The following FBXL2 variants were observed in gnomAD, a reference collection of about 807,000 sequenced individuals.
The protein encoded by FBXL2 is F-box and leucine rich repeat protein 2.
FBXL2 carries 38 observed loss-of-function variants against 69.2 expected under a neutral mutation model. The observed-to-expected ratio is 0.55, with a 90% confidence interval of 0.42 to 0.72. FBXL2 has a LOEUF of 0.72. FBXL2 is among the 30% of genes least tolerant of loss of function. The probability of loss-of-function intolerance (pLI) is 0.00; values close to 1 mark genes in which losing one functional copy is unlikely to be tolerated. For missense variants in FBXL2, 354 were observed against 520.3 expected, an observed-to-expected ratio of 0.68 and a Z score of 3.11; for synonymous variants, 192 against 201.3, an observed-to-expected ratio of 0.95 and a Z score of 0.39.
the FBXL2 span, chr3:33,411,604 T>C: frequency 1.2e-6 from 2 of 1,614,182 alleles, no homozygotes; most frequent in Non-Finnish European, 1.7e-6. Context: ...GAGGTGCGTT[T>C]TGCTGGGTCC....
chr3:33,355,677 C>G (rs2041151201), intron 2 of FBXL2, among the ~76,000 whole-genome samples: 1 of 152,120 alleles, frequency 6.6e-6, no homozygotes, highest in Non-Finnish European at 1.5e-5. Flanking sequence ...ATATCCAATC[C>G]CTTACTCCCC....
At chr3:33,321,063 A>G (rs1048210487) in intron 2 of FBXL2, among the ~76,000 whole-genome samples, 1 of 152,058 alleles carries the variant, frequency 6.6e-6, no homozygotes, top group Admixed American at 6.6e-5. Context: ...TAACCTTAGC[A>G]CTTTGGGAGG....
downstream of FBXL2, chr3:33,392,495 C>A: frequency 7.6e-7 from 1 of 1,311,986 alleles, no homozygotes; most frequent in South Asian, 1.3e-5. Context: ...ACACGAGAGG[C>A]ACTAATTAGA....
intron 2 of FBXL2, chr3:33,300,710 CTTT>C (rs576599326): frequency 3.6e-5 from 5 of 137,864 alleles, no homozygotes; most frequent in Non-Finnish European, 6.4e-5. Context: ...GCTATGCTTT[CTTT>C]TTTTTTTTTT....
chr3:33,415,243 T>C, the FBXL2 span, among the ~76,000 whole-genome samples: 12 of 152,366 alleles, frequency 7.9e-5, no homozygotes, highest in Non-Finnish European at 1.0e-4. Flanking sequence ...TTGTCTCCAC[T>C]GATAAATGAC....
intron 2 of FBXL2, among the ~76,000 whole-genome samples, chr3:33,298,760 T>C (rs79840961): frequency 0.1 from 15,064 of 151,202 alleles, 788 homozygotes; most frequent in African/African-American, 0.12. Context: ...TAATTCTTTA[T>C]GAGGAATTAA....
chr3:33,404,260 A>C (rs985168327), downstream of FBXL2, among the ~76,000 whole-genome samples: 6 of 152,042 alleles, frequency 3.9e-5, no homozygotes, highest in Non-Finnish European at 8.8e-5. Flanking sequence ...AAAATACAAA[A>C]ACTTAGCTGG....
At chr3:33,393,649 A>G (rs956348823) in intron 12 of FBXL2, among the ~76,000 whole-genome samples, 23 of 152,338 alleles carry the variant, frequency 1.5e-4, no homozygotes, top group Admixed American at 9.8e-4. Context: ...TCTAAAACGT[A>G]AGAATACATT....
intron 5 of FBXL2, among the ~76,000 whole-genome samples, 184 bp downstream of exon 5, chr3:33,364,903 T>C (rs1459508541): frequency 6.6e-6 from 1 of 152,210 alleles, no homozygotes; most frequent in East Asian, 1.9e-4. Context: ...TGTACTGTTG[T>C]TAGGGATGTG....
At chr3:33,416,791 A>C in the FBXL2 span, 1 of 1,613,624 alleles carries the variant, frequency 6.2e-7, no homozygotes. Flanking sequence ...CAGGCATATC[A>C]CCCATTTTCC....
chr3:33,355,389 A>G (rs1215744948), intron 2 of FBXL2, among the ~76,000 whole-genome samples: 1 of 152,250 alleles, frequency 6.6e-6, no homozygotes, highest in Non-Finnish European at 1.5e-5. Flanking sequence ...GGAAGATTTA[A>G]TATTGTAAAA....
chr3:33,289,399 C>T (rs1480270368), intron 1 of FBXL2, among the ~76,000 whole-genome samples: 3 of 152,008 alleles, frequency 2.0e-5, no homozygotes, highest in African/African-American at 7.3e-5. Flanking sequence ...CAACAGTTGA[C>T]ATTATTGCTC....
Position 33,279,375 on chromosome 3 carries a change from A to G in FBXL2, c.3+1860A>G, listed in dbSNP as rs375052196. Among the ~76,000 whole-genome samples the G allele has an allele frequency of 4.1e-3, 612 of 151,076 alleles. 9 individuals carry two copies. The South Asian group carries it at 0.041, about 10-fold the overall frequency. On this transcript the variant is annotated intron_variant, in intron 1 of 14. Transcript: ENST00000484457. ...AAGCTCCGCCTCCCGGGTACACGCC[A>G]TTCTCCTGCCTCAGCCTCCCGAGTA...
At chr3:33,285,974 G>A (rs1449851878) in intron 1 of FBXL2, among the ~76,000 whole-genome samples, 2 of 152,264 alleles carry the variant, frequency 1.3e-5, no homozygotes, top group East Asian at 1.9e-4. Flanking sequence ...TCTTTGCGAT[G>A]GGTTCGAACA....
Position 33,384,221 on chromosome 3 carries a change from G to C in FBXL2, c.1164+20G>C. The C allele has an allele frequency of 6.2e-7, 1 of 1,608,788 alleles. No homozygotes were observed. Among genetic ancestry groups the C allele is most frequent in the Non-Finnish European group, 8.5e-7 (1 of 1,176,172 alleles). The stretch of plus-strand genomic sequence containing the variant: ...ATGCGGGTAGGTATGGGGCAGGGGA[G>C]TCAGTCACACCTGACATTTCTAAGC... On this transcript the variant is annotated intron_variant, in intron 14 of 14. Transcript: ENST00000484457.
At chr3:33,375,228 G>C in intron 9 of FBXL2, 60 bp from the exon 10 acceptor site, 3 of 1,584,408 alleles carry the variant, frequency 1.9e-6, no homozygotes, top group Non-Finnish European at 1.7e-6. Flanking sequence ...CTTTTCTGCT[G>C]CTCCCGTTTT....
chr3:33,396,408 A>C (rs1285426115), intron 12 of FBXL2: 2 of 662,186 alleles, frequency 3.0e-6, no homozygotes, highest in African/African-American at 3.6e-5. Context: ...TTCGTTATAC[A>C]AAGTAATTTA....
chr3:33,412,837 A>G, the FBXL2 span: 1 of 1,593,724 alleles, frequency 6.3e-7, no homozygotes, highest in Non-Finnish European at 8.6e-7. Flanking sequence ...TCTGTGGAAT[A>G]AGTGCGGAAA....
chr3:33,286,751 T>TC (rs1299011063), intron 1 of FBXL2, among the ~76,000 whole-genome samples: 1 of 152,182 alleles, frequency 6.6e-6, no homozygotes, highest in Non-Finnish European at 1.5e-5. Context: ...GCCCCTCTCC[T>TC]CCAGCTTCTC....
Sources: gnomAD v4.1 joint callset for allele counts (sites outside exome capture counted in the v4.1 genomes callset) on GRCh38, gnomAD v4.1.1 for gene constraint, MANE v1.5 for transcripts, NCBI Gene and HGNC (gene_info 2026-07-23, HGNC 2026-07-21) for gene names.